ASXL2: variants seen among roughly 807,000 people sequenced by gnomAD.
The protein encoded by ASXL2 is putative Polycomb group protein ASXL2.
Under a neutral mutation model 122.0 loss-of-function variants are expected in ASXL2, and 23 were observed. The observed-to-expected ratio is 0.19, with a 90% CI of 0.14 to 0.27. The LOEUF (loss-of-function observed/expected upper bound fraction) is 0.27, where lower values mean the gene tolerates loss of function less well. Ranked by LOEUF, ASXL2 falls within the 10% of genes least tolerant of loss-of-function variation. The pLI is 1.00. For missense variants in ASXL2, 1,518 were observed against 1,713.8 expected (o/e 0.89, Z 2.02); for synonymous variants, 650 against 637.0 (o/e 1.02, Z -0.31).
In ASXL2 at chr2:25,742,901, G is replaced by C. The variant is rs777370673; in HGVS notation, c.3436C>G (p.Pro1146Ala). 13 of 1,613,782 alleles carry C rather than the reference G, an allele frequency of 8.1e-6. No individual in the cohort carries two copies. The highest frequency in any genetic ancestry group is 1.3e-5 in the African/African-American group (1 of 74,902). ...ESFRRTHSVN[P>A]EDRFCLSSPT... The stretch of plus-strand genomic sequence containing the variant: ...CTGCTTAGACAAAAACGATCTTCAG[G>C]GTTTACAGAATGGGTCCTCCTAAAG... Residue 1146 changes from proline to alanine, a missense_variant, in exon 13 of 13, where the codon CCT (proline) becomes GCT (alanine). Physicochemically the swap from Pro to Ala is conservative, Grantham distance 27. Transcript: ENST00000435504.
chr2:25,845,008 A>G (rs188953747), intron 2 of ASXL2, among the ~76,000 whole-genome samples: 32 of 152,272 alleles, frequency 2.1e-4, no homozygotes, highest in African/African-American at 7.7e-4. Context: ...TAATGGCCCA[A>G]GTCTATTATA....
At chr2:25,792,277 T>C (rs1184394907) in intron 5 of ASXL2, among the ~76,000 whole-genome samples, 1 of 152,130 alleles carries the variant, frequency 6.6e-6, no homozygotes, top group Non-Finnish European at 1.5e-5. Flanking sequence ...GCTGGGATTA[T>C]AGGTGTGAGC....
chr2:25,846,549 G>T (rs1397085062), intron 1 of ASXL2, among the ~76,000 whole-genome samples: 1 of 152,282 alleles, frequency 6.6e-6, no homozygotes, highest in Middle Eastern at 3.4e-3. Flanking sequence ...TCAGGAGGCT[G>T]AGGCAGGAGA....
chr2:25,851,149 A>C (rs1033566376), intron 1 of ASXL2, among the ~76,000 whole-genome samples: 5 of 142,774 alleles, frequency 3.5e-5, no homozygotes, highest in African/African-American at 1.3e-4. Context: ...TCCTTCTCCA[A>C]AAAAAAAAAA....
In ASXL2 at chr2:25,834,357, A is replaced by AAAAT. The variant is rs1196696387; in HGVS notation, c.143+1177_143+1180dup. 2.0e-5 allele frequency among the ~76,000 whole-genome samples: 3 copies of AAAAT among 152,162 alleles called. No individual in the cohort carries two copies. The East Asian group carries it at 5.8e-4, about 29-fold the overall frequency. On this transcript the variant is annotated intron_variant, in intron 3 of 12. Coordinates refer to ENST00000435504, the MANE Select transcript of ASXL2 (RefSeq NM_018263.6). ...GACAGAGTGAGACTCTGTCTCCAAAAAAATAAATAAATAAATAAGAACAAA... is the reference window on the plus strand; with the variant it reads ...GACAGAGTGAGACTCTGTCTCCAAAAAAATAAATAAATAAATAAATAAGAACAAA...
chr2:25,757,415 G>A (rs927457159), intron 9 of ASXL2, among the ~76,000 whole-genome samples: 2 of 150,606 alleles, frequency 1.3e-5, no homozygotes, highest in African/African-American at 4.9e-5. Flanking sequence ...GAGGCAGGTG[G>A]ATCACGAGGT....
chr2:25,845,382 T>C, intron 2 of ASXL2, 99 bp downstream of exon 2: 1 of 1,329,926 alleles, frequency 7.5e-7, no homozygotes, highest in Non-Finnish European at 1.0e-6. Context: ...GCATTTATTA[T>C]TAAGTAATTA....
chr2:25,798,459 C>T (rs758457405), intron 5 of ASXL2, among the ~76,000 whole-genome samples: 6 of 152,088 alleles, frequency 3.9e-5, no homozygotes, highest in African/African-American at 7.2e-5. Flanking sequence ...ACTATGGAAA[C>T]ATTAAAAAAT....
At chr2:25,842,078 C>T (rs1461866962) in intron 2 of ASXL2, among the ~76,000 whole-genome samples, 1 of 150,566 alleles carries the variant, frequency 6.6e-6, no homozygotes, top group African/African-American at 2.4e-5. Flanking sequence ...CGCCACTGCA[C>T]TCCAGCCTGG....
chr2:25,833,172 AC>A (rs1310093542), intron 3 of ASXL2, among the ~76,000 whole-genome samples: 1 of 152,158 alleles, frequency 6.6e-6, no homozygotes, highest in Non-Finnish European at 1.5e-5. Flanking sequence ...ACATACACAC[AC>A]CCCGGTACCA....
chr2:25,875,651 G>T (rs141157832), intron 1 of ASXL2, among the ~76,000 whole-genome samples: 6 of 152,024 alleles, frequency 3.9e-5, no homozygotes, highest in Admixed American at 1.3e-4. Flanking sequence ...TATATTATTG[G>T]TCAGGAAAAC....
At chr2:25,754,595 G>A (rs1481870493) in intron 10 of ASXL2, among the ~76,000 whole-genome samples, 1 of 151,898 alleles carries the variant, frequency 6.6e-6, no homozygotes, top group Non-Finnish European at 1.5e-5. Flanking sequence ...ACTGGACTCT[G>A]TTCACATATA....
chr2:25,830,264 G>A (rs1021500445), intron 3 of ASXL2, among the ~76,000 whole-genome samples: 2 of 152,226 alleles, frequency 1.3e-5, no homozygotes, highest in Non-Finnish European at 2.9e-5. Flanking sequence ...GGGTTCAATG[G>A]AAAATCGCTA....
intron 2 of ASXL2, among the ~76,000 whole-genome samples, chr2:25,844,014 T>C (rs2089619882): frequency 6.6e-6 from 1 of 152,024 alleles, no homozygotes; most frequent in African/African-American, 2.4e-5. Context: ...ACAATGCAAA[T>C]TTAGCATTCC....
At chr2:25,831,079 GA>G (rs1303370648) in intron 3 of ASXL2, among the ~76,000 whole-genome samples, 1 of 152,140 alleles carries the variant, frequency 6.6e-6, no homozygotes, top group African/African-American at 2.4e-5. Flanking sequence ...CAGCACTCTG[GA>G]AGGCCAAGGT....
At chr2:25,823,677 G>A (rs116126012) in intron 3 of ASXL2, among the ~76,000 whole-genome samples, 293 of 151,668 alleles carry the variant, frequency 1.9e-3, no homozygotes, top group African/African-American at 6.8e-3. Flanking sequence ...TATCTGCACT[G>A]TCAGTATGGC....
chr2:25,808,409 T>G (rs1225861883), intron 3 of ASXL2, among the ~76,000 whole-genome samples: 1 of 152,214 alleles, frequency 6.6e-6, no homozygotes, highest in Non-Finnish European at 1.5e-5. Flanking sequence ...CTTGGCTCAC[T>G]GCAACCTTCA....
intron 6 of ASXL2, among the ~76,000 whole-genome samples, chr2:25,770,451 C>G (rs1002144364): frequency 6.6e-6 from 1 of 152,102 alleles, no homozygotes; most frequent in Non-Finnish European, 1.5e-5. Context: ...AAGTTATGTA[C>G]AGTGTAATAT....
chr2:25,842,087 G>A (rs2089588056), intron 2 of ASXL2, among the ~76,000 whole-genome samples: 1 of 151,184 alleles, frequency 6.6e-6, no homozygotes, highest in African/African-American at 2.4e-5. Flanking sequence ...ACTCCAGCCT[G>A]GGCGACAAGA....
Sources: gnomAD v4.1 joint callset for allele counts (sites outside exome capture counted in the v4.1 genomes callset) on GRCh38, gnomAD v4.1.1 for gene constraint, MANE v1.5 for transcripts, NCBI Gene and HGNC (gene_info 2026-07-23, HGNC 2026-07-21) for gene names.